C18orf32: variants seen among roughly 807,000 people sequenced by gnomAD.
C18orf32 encodes the protein chromosome 18 open reading frame 32.
In C18orf32, 5 loss-of-function variants were observed where a neutral mutation model predicts 7.4. The ratio of observed to expected loss-of-function variants is 0.68; its 90% CI spans 0.35 to 1.42. C18orf32 has a LOEUF of 1.42. Ranked by LOEUF, C18orf32 falls within the 40% of genes most tolerant of loss-of-function variation. The pLI is 0.04. For missense variants in C18orf32, 88 were observed against 92.4 expected, an observed-to-expected ratio of 0.95 and a Z score of 0.19; for synonymous variants, 30 against 29.3, an observed-to-expected ratio of 1.02 and a Z score of -0.08.
chr18:49,477,839 A>C lies in C18orf32; in HGVS notation c.*4506T>G, dbSNP rs1251717129. 6 of 129,194 alleles carry C rather than the reference A, an allele frequency of 4.6e-5. No homozygotes were observed. Among genetic ancestry groups the C allele is most frequent in the East Asian group, 2.0e-4 (1 of 4,980 alleles). The allele number at this position is 129,194 out of a possible 1,614,324, so 8.0% of individuals were successfully genotyped here. ...ACACACTATATATATATACACATAT[A>C]TATATATACACACACTATATATATA... On this transcript the variant is annotated 3_prime_UTR_variant, in exon 3 of 3. Transcript: ENST00000318240.
In C18orf32 at chr18:49,482,380, C is replaced by T. The variant is rs752127927; in HGVS notation, c.196G>A (p.Gly66Arg). 6 of 1,612,396 alleles carry T rather than the reference C, an allele frequency of 3.7e-6. No homozygotes were observed. The South Asian group carries it at 4.4e-5, about 12-fold the overall frequency. Residue 66 changes from glycine (G) to arginine (R), a missense_variant, in exon 3 of 3, where the codon GGA becomes AGA. Gly to Arg is a moderately radical substitution (Grantham distance 125). Coordinates refer to ENST00000318240, the MANE Select transcript of C18orf32 (RefSeq NM_001035005.4). ...GADMNGLPTKGPTEICDKKKD is the reference protein window; with the variant it reads ...GADMNGLPTKRPTEICDKKKD ...TTTTTATCACAGATTTCTGTTGGTC[C>T]TTTTGTTGGTAATCCATTCATGTCT... is the stretch of plus-strand genomic sequence containing the variant.
rs56983810 is a variant in C18orf32 at position 49,484,201 on chromosome 18, C to CACATACAT, written c.-23-431_-23-430insATGTATGT. On this transcript the variant is annotated intron_variant, in intron 1 of 2. Transcript: ENST00000318240. ...ACACACACACACACACACACACACA[C>CACATACAT]GAAAGGACTATTTCTACAGTGTAGG... Among the ~76,000 whole-genome samples the CACATACAT allele has an allele frequency of 3.2e-3, 372 of 117,682 alleles. 11 individuals are homozygous for CACATACAT. Among genetic ancestry groups the CACATACAT allele is most frequent in the African/African-American group, 6.6e-3 (196 of 29,480 alleles). 77.2% of individuals were successfully genotyped at this position (117,682 alleles called of 152,430 possible).
At position 49,483,648 on chromosome 18, in the gene C18orf32, C is replaced by T. The variant is rs372217659; in HGVS notation, c.101G>A (p.Arg34His). Residue 34 changes from arginine to histidine, a missense_variant, in exon 2 of 3, where the codon CGT becomes CAT. Arg to His is a conservative substitution (Grantham distance 29, BLOSUM62 0). Transcript: ENST00000318240. ...TTGTATTGCTTTCTTAGGCCATATA[C>T]GACTAACGAAGGGGGAAACCAGAGG... is the stretch of plus-strand genomic sequence containing the variant. ...IYPLVSPFVS[R>H]IWPKKAIQES... is the part of the protein sequence containing the mutation. The T allele has an allele frequency of 1.7e-4, 275 of 1,613,290 alleles. No individual in the cohort carries two copies. The highest frequency in any genetic ancestry group is 4.9e-4 in the Middle Eastern group (3 of 6,084).
Position 49,482,194 on chromosome 18 carries a change from A to C in C18orf32, c.*151T>G. The C allele has an allele frequency of 1.5e-6, 1 of 657,476 alleles. No individual in the cohort carries two copies. 40.7% of individuals were successfully genotyped at this position (657,476 alleles called of 1,614,324 possible). A position where few individuals can be genotyped will look rare whatever the true frequency, so the allele number is the denominator to read the frequency against. On this transcript the variant is annotated 3_prime_UTR_variant, in exon 3 of 3. Coordinates refer to ENST00000318240, the MANE Select transcript of C18orf32 (RefSeq NM_001035005.4). Reference sequence around the variant, plus strand: ...AACTAACTACATTTTAAATACGGATATCATATATTTCCTGATTAGTATCAG... The same window carrying C: ...AACTAACTACATTTTAAATACGGATCTCATATATTTCCTGATTAGTATCAG...
At chr18:49,484,115 A>G (rs993899521) in intron 1 of C18orf32, among the ~76,000 whole-genome samples, 1 of 139,112 alleles carries the variant, frequency 7.2e-6, no homozygotes, top group Non-Finnish European at 1.5e-5. Context: ...GATGACACAG[A>G]GACACTTTGT....
chr18:49,483,134 G>C (rs1014118872), intron 2 of C18orf32, among the ~76,000 whole-genome samples: 1 of 152,136 alleles, frequency 6.6e-6, no homozygotes, highest in African/African-American at 2.4e-5. Context: ...ACAAGCTCCA[G>C]AGTGAAAACA....
In C18orf32 at chr18:49,482,268, C is replaced by CA. The variant is rs1232994842; in HGVS notation, c.*76dup. ...GAATTCCGGTCTCAGATAAAAAGGTCAGAGACAATTACAAGGAAGATGCTT... is the reference window on the plus strand; with the variant it reads ...GAATTCCGGTCTCAGATAAAAAGGTCAAGAGACAATTACAAGGAAGATGCTT... On this transcript the variant is annotated 3_prime_UTR_variant, in exon 3 of 3. Transcript: ENST00000318240. The CA allele has an allele frequency of 1.7e-5, 18 of 1,030,514 alleles. No individual in the cohort carries two copies. The highest frequency in any genetic ancestry group is 2.4e-5 in the Non-Finnish European group (16 of 654,974). The allele number at this position is 1,030,514 out of a possible 1,614,324, so 63.8% of individuals were successfully genotyped here. A position where few individuals can be genotyped will look rare whatever the true frequency, so the allele number is the denominator to read the frequency against.
rs139800108 is a variant in C18orf32, at chr18:49,481,875, C to A, written c.*470G>T. On this transcript the variant is annotated 3_prime_UTR_variant, in exon 3 of 3. Transcript: ENST00000318240. ...CTGTGTTGGACAGTAATTATTAAAT[C>A]TTTATGTTTCACATCATTATTACCT... 9.4e-5 allele frequency: 15 copies of A among 159,520 alleles called. No individual in the cohort carries two copies. Among genetic ancestry groups the A allele is most frequent in the Non-Finnish European group, 2.0e-4 (15 of 73,246 alleles). The allele number at this position is 159,520 out of a possible 1,614,324, so 9.9% of individuals were successfully genotyped here.
chr18:49,486,152 G>C (rs1022413657), intron 1 of C18orf32: 24 of 150,920 alleles, frequency 1.6e-4, no homozygotes, highest in Non-Finnish European at 7.4e-5. Flanking sequence ...CTGGTAACTA[G>C]AGCTTCTAAG....
At chr18:49,483,251 T>A (rs1396345032) in intron 2 of C18orf32, among the ~76,000 whole-genome samples, 2 of 151,904 alleles carry the variant, frequency 1.3e-5, no homozygotes, top group South Asian at 2.1e-4. Flanking sequence ...CACTCATTTT[T>A]AAAAAAATTG....
chr18:49,485,358 A>G (rs1304361424), intron 1 of C18orf32, among the ~76,000 whole-genome samples: 2 of 152,158 alleles, frequency 1.3e-5, no homozygotes, highest in Non-Finnish European at 2.9e-5. Context: ...GTTCGAAACC[A>G]GCCTGGCCAA....
Position 49,480,420 on chromosome 18 carries a change from AAAG to A in C18orf32, c.*1922_*1924del, listed in dbSNP as rs1473689115. 6.6e-6 allele frequency: 1 copy of A among 152,140 alleles called. No individual in the cohort carries two copies. Among genetic ancestry groups the A allele is most frequent in the Non-Finnish European group, 1.5e-5 (1 of 68,022 alleles). The allele number at this position is 152,140 out of a possible 1,614,324, so 9.4% of individuals were successfully genotyped here. A position where few individuals can be genotyped will look rare whatever the true frequency, so the allele number is the denominator to read the frequency against. ...TCAGTAGGTAAAACCTTTGAGGAGCAAAGAAGTAGGGACAATTAGAAACGTTGC... is the reference window on the plus strand; with the variant it reads ...TCAGTAGGTAAAACCTTTGAGGAGCAAAGTAGGGACAATTAGAAACGTTGC... On this transcript the variant is annotated 3_prime_UTR_variant, in exon 3 of 3. Coordinates refer to ENST00000318240, the MANE Select transcript of C18orf32 (RefSeq NM_001035005.4).
exon 1 of C18orf32, chr18:49,487,212 ACCGCGGAAACGCAGCTGACAATGT>A (rs1568497868): frequency 6.5e-6 from 1 of 152,876 alleles, no homozygotes; most frequent in Non-Finnish European, 1.5e-5. Context: ...CTCACCCGCG[ACCGCGGAAACGCAGCTGACAATGT>A]CCGCACTTCC....
In C18orf32 at chr18:49,477,635, G is replaced by C. The variant is rs1461361525; in HGVS notation, c.*4710C>G. 6.7e-6 allele frequency: 1 copy of C among 149,542 alleles called. No homozygotes were observed. The highest frequency in any genetic ancestry group is 1.5e-5 in the Non-Finnish European group (1 of 68,012). The allele number at this position is 149,542 out of a possible 1,614,324, so 9.3% of individuals were successfully genotyped here. ...TCTCTACTAAAGTACAAAATTAGCC[G>C]GGTGTGGTAGCACGCACCTGTAATC... On this transcript the variant is annotated 3_prime_UTR_variant, in exon 3 of 3. Transcript: ENST00000318240.
rs1199707513 is a variant in C18orf32, at chr18:49,487,217, G to T, written c.-198C>A. ...CCCGGGCACACTCACCCGCGACCGCGGAAACGCAGCTGACAATGTCCGCAC... is the reference window on the plus strand; with the variant it reads ...CCCGGGCACACTCACCCGCGACCGCTGAAACGCAGCTGACAATGTCCGCAC... On this transcript the variant is annotated 5_prime_UTR_variant, in exon 1 of 3. Coordinates refer to ENST00000318240, the MANE Select transcript of C18orf32 (RefSeq NM_001035005.4). 6.5e-6 allele frequency: 1 copy of T among 153,022 alleles called. No individual in the cohort carries two copies. The allele number at this position is 153,022 out of a possible 1,614,324, so 9.5% of individuals were successfully genotyped here.
chr18:49,480,328 ATG>A lies in C18orf32; in HGVS notation c.*2015_*2016del, dbSNP rs1183722066. 2 of 151,982 alleles carry A rather than the reference ATG, an allele frequency of 1.3e-5. No homozygotes were observed. Among genetic ancestry groups the A allele is most frequent in the African/African-American group, 4.8e-5 (2 of 41,410 alleles). The allele number at this position is 151,982 out of a possible 1,614,324, so 9.4% of individuals were successfully genotyped here. On this transcript the variant is annotated 3_prime_UTR_variant, in exon 3 of 3. Coordinates refer to ENST00000318240, the MANE Select transcript of C18orf32 (RefSeq NM_001035005.4). ...GTGAGACCCTGTCTCAAAAAATAAA[ATG>A]TTTATATTTTTATATTTTTATAATT...
chr18:49,485,847 C>T (rs1461682482), intron 1 of C18orf32: 1 of 152,072 alleles, frequency 6.6e-6, no homozygotes, highest in Non-Finnish European at 1.5e-5. Flanking sequence ...ATCTTAAAGT[C>T]CTAAGCTCAA....
rs1294482259 is a variant in C18orf32, at chr18:49,478,555, C to T, written c.*3790G>A. On this transcript the variant is annotated 3_prime_UTR_variant, in exon 3 of 3. Coordinates refer to ENST00000318240, the MANE Select transcript of C18orf32 (RefSeq NM_001035005.4). ...CTGGGATTATAGGCTTGAGTCACCG[C>T]CTCCGGTGGATCCTGTTTTCTTGAC... is the stretch of plus-strand genomic sequence containing the variant. The T allele has an allele frequency of 6.6e-6, 1 of 150,560 alleles. No individual in the cohort carries two copies. The allele number at this position is 150,560 out of a possible 1,614,324, so 9.3% of individuals were successfully genotyped here.
chr18:49,481,533 A>G lies in C18orf32; in HGVS notation c.*812T>C, dbSNP rs8087450. On this transcript the variant is annotated 3_prime_UTR_variant, in exon 3 of 3. Coordinates refer to ENST00000318240, the MANE Select transcript of C18orf32 (RefSeq NM_001035005.4). ...CCACTAAATTTTGGAGTGTCTTGTT[A>G]CGCAACAATAGTAATTGTTGTCCCA... The G allele has an allele frequency of 0.11, 17,110 of 151,710 alleles. 1,240 individuals carry two copies. The highest frequency in any genetic ancestry group is 0.2 in the African/African-American group (8,396 of 41,324). 9.4% of individuals were successfully genotyped at this position (151,710 alleles called of 1,614,324 possible).
Sources: gnomAD v4.1 joint callset for allele counts (sites outside exome capture counted in the v4.1 genomes callset) on GRCh38, gnomAD v4.1.1 for gene constraint, MANE v1.5 for transcripts, NCBI Gene and HGNC (gene_info 2026-07-23, HGNC 2026-07-21) for gene names.